Variants in SALL4 observed in about 807,000 individuals in gnomAD.
SALL4 encodes spalt like transcription factor 4.
In SALL4, 4 loss-of-function variants were observed where a neutral mutation model predicts 60.8. That is an observed-to-expected ratio of 0.07 (90% CI 0.03 to 0.15). The LOEUF is 0.15. Among genes scored for constraint, SALL4 ranks in the 10% least tolerant of loss-of-function variants. The pLI is 1.00. For synonymous variants in SALL4, 580 were observed against 574.9 expected (o/e 1.01, Z -0.13); for missense variants, 1,178 against 1,394.7 (o/e 0.84, Z 2.48).
rs201303046 is a variant in SALL4, at chr20:51,791,947, G to C, written c.536C>G (p.Thr179Ser). Residue 179 changes from threonine (T) to serine (S), a missense_variant, in exon 2 of 4, where the codon ACT becomes AGT. By Grantham distance (58) the Thr-to-Ser change is moderately conservative. This residue lies in a region of SALL4 where 853 missense variants were observed against 1,036.8 expected (regional missense o/e 0.82). Transcript: ENST00000217086. This position sits in a 1 kb window ranked among gnomAD's most constrained non-coding sequence, Gnocchi z 4.6. Reference protein sequence around the residue: ...SYLAKGKVANTNVTLQALRGT... With the variant: ...SYLAKGKVANSNVTLQALRGT... ...CCGTAGTGCCTGCAAGGTCACATTA[G>C]TGTTGGCCACTTTGCCTTTGGCTAA... is the stretch of plus-strand genomic sequence containing the variant. The C allele has an allele frequency of 2.4e-5, 38 of 1,614,250 alleles. No homozygotes were observed. The highest frequency in any genetic ancestry group is 6.7e-5 in the East Asian group (3 of 44,878).
rs201321572 is a variant in SALL4 at position 51,790,954 on chromosome 20, C to T, written c.1529G>A (p.Gly510Glu). Reference sequence around the variant, plus strand: ...TCCACCCTCACTTTCTGGAGAAGGCCCAGGCTGCAGGTCACCGGGCAAGGA... The same window carrying T: ...TCCACCCTCACTTTCTGGAGAAGGCTCAGGCTGCAGGTCACCGGGCAAGGA... The part of the protein sequence containing the change: ...GGSLPGDLQP[G>E]PSPESEGGPT... Residue 510 changes from glycine to glutamate, a missense_variant, in exon 2 of 4, where the codon GGG (glycine) becomes GAG (glutamate). By Grantham distance (98) the Gly-to-Glu change is moderately conservative (BLOSUM62 -2). This residue lies in a region of SALL4 where 853 missense variants were observed against 1,036.8 expected (regional missense o/e 0.82). Transcript: ENST00000217086. The surrounding 1 kb of genome is among the most constrained non-coding windows in gnomAD (Gnocchi z 5.5). The T allele has an allele frequency of 6.2e-7, 1 of 1,614,098 alleles. No individual in the cohort carries two copies. The highest frequency in any genetic ancestry group is 8.5e-7 in the Non-Finnish European group (1 of 1,180,020).
In SALL4 at chr20:51,791,379, C is replaced by G; in HGVS notation, c.1104G>C (p.Ala368=). Residue 368 remains alanine (A), a synonymous_variant, in exon 2 of 4, where the codon GCG becomes GCC. Transcript: ENST00000217086. The surrounding 1 kb of genome is among the most constrained non-coding windows in gnomAD (Gnocchi z 4.6). ...KGKGKPPNIS[A]VDVKPKDEAA... is the part of the protein sequence containing the mutation. Reference sequence around the variant, plus strand: ...CCTCGTCTTTGGGTTTGACATCCACCGCGGAGATGTTCGGTGGCTTCCCCT... The same window carrying G: ...CCTCGTCTTTGGGTTTGACATCCACGGCGGAGATGTTCGGTGGCTTCCCCT... 1 of 1,614,190 alleles carries G rather than the reference C, an allele frequency of 6.2e-7. No individual in the cohort carries two copies. The highest frequency in any genetic ancestry group is 8.5e-7 in the Non-Finnish European group (1 of 1,180,042).
At position 51,784,053 on chromosome 20, in the gene SALL4, A is replaced by AT. The variant is rs59841639; in HGVS notation, c.*211dup. The stretch of plus-strand genomic sequence containing the variant: ...AGAGTCTGTATTTGTTTTGGTATGC[A>AT]TTTTTTTTTTATTTTTTCAACTTTT... On this transcript the variant is annotated 3_prime_UTR_variant, in exon 4 of 4. Transcript: ENST00000217086. 0.06 allele frequency: 32,302 copies of AT among 538,912 alleles called. 422 individuals are homozygous for AT. Among genetic ancestry groups the AT allele is most frequent in the Non-Finnish European group, 0.068 (20,847 of 306,428 alleles). 33.4% of individuals were successfully genotyped at this position (538,912 alleles called of 1,614,324 possible).
chr20:51,792,864 T>G, intron 1 of SALL4: 1 of 1,025,880 alleles, frequency 9.7e-7, no homozygotes, highest in Non-Finnish European at 1.2e-6. Context: ...TCGAAGCTAC[T>G]TCATTGTTCT....
Position 51,784,229 on chromosome 20 carries a change from C to G in SALL4, c.*36G>C. 2 of 1,609,138 alleles carry G rather than the reference C, an allele frequency of 1.2e-6. No individual in the cohort carries two copies. Among genetic ancestry groups the G allele is most frequent in the South Asian group, 1.1e-5 (1 of 90,946 alleles). ...AACAAAGCAGATTCTAGAGATTTCACTGTGTCTGCATTGCTCCTTCCACGC... is the reference window on the plus strand; with the variant it reads ...AACAAAGCAGATTCTAGAGATTTCAGTGTGTCTGCATTGCTCCTTCCACGC... On this transcript the variant is annotated 3_prime_UTR_variant, in exon 4 of 4. Transcript: ENST00000217086.
rs149008635 is a variant in SALL4, at chr20:51,790,533, G to A, written c.1950C>T (p.Gly650=). ...GCAGGGGCGTGTTGGGAATCTGACC[G>A]CCCATGTGCATCCGAATATGTTGCT... ...MLQQHIRMHM[G]GQIPNTPLPE... The change falls in exon 2 of 4, where the codon GGC becomes GGT. Residue 650 remains glycine, a synonymous_variant. Coordinates refer to ENST00000217086, the MANE Select transcript of SALL4 (RefSeq NM_020436.5). This position sits in a 1 kb window ranked among gnomAD's most constrained non-coding sequence, Gnocchi z 5.5. 1.6e-3 allele frequency: 2,568 copies of A among 1,614,116 alleles called. 5 individuals are homozygous for A. The highest frequency in any genetic ancestry group is 2.0e-3 in the Non-Finnish European group (2,398 of 1,180,048).
rs1040112833 is a variant in SALL4, at chr20:51,782,911, A to C, written c.*1354T>G. ...AAAATAGACACTATGGCTACAAAAA[A>C]TAAAAAATAAATGAGGTAGATAAAT... On this transcript the variant is annotated 3_prime_UTR_variant, in exon 4 of 4. Coordinates refer to ENST00000217086, the MANE Select transcript of SALL4 (RefSeq NM_020436.5). The C allele has an allele frequency of 1.3e-5, 2 of 152,218 alleles. No individual in the cohort carries two copies. The highest frequency in any genetic ancestry group is 4.8e-5 in the African/African-American group (2 of 41,456). 9.4% of individuals were successfully genotyped at this position (152,218 alleles called of 1,614,324 possible).
Position 51,792,323 on chromosome 20 carries a change from C to T in SALL4, c.160G>A (p.Glu54Lys), listed in dbSNP as rs757354140. The T allele has an allele frequency of 2.6e-5, 42 of 1,605,792 alleles. No homozygotes were observed. Among genetic ancestry groups the T allele is most frequent in the Non-Finnish European group, 3.3e-5 (39 of 1,179,984 alleles). The change falls in exon 2 of 4, where the codon GAG becomes AAG. Residue 54 changes from glutamate (E) to lysine (K), a missense_variant. Physicochemically the swap from Glu to Lys is moderately conservative, Grantham distance 56. Around this residue, in one of 5 missense-constraint regions of SALL4, gnomAD observed 108 missense variants for 95.7 expected, o/e 1.13. Transcript: ENST00000217086. The part of the protein sequence containing the change: ...GAPVNHPGND[E>K]VASEDEATVK... ...GTGGCTTCATCCTCACTCGCCACCT[C>T]GTCATTCCCTGGGTGGTTCACTGGA...
rs558151017 is a variant in SALL4, at chr20:51,790,318, A to T, written c.2165T>A (p.Leu722Gln). The T allele has an allele frequency of 6.2e-7, 1 of 1,614,116 alleles. No individual in the cohort carries two copies. Among genetic ancestry groups the T allele is most frequent in the South Asian group, 1.1e-5 (1 of 91,084 alleles). Residue 722 changes from leucine to glutamine, a missense_variant, in exon 2 of 4, where the codon CTA (leucine) becomes CAA (glutamine). Physicochemically the swap from Leu to Gln is moderately radical, Grantham distance 113. Transcript: ENST00000217086. This position sits in a 1 kb window ranked among gnomAD's most constrained non-coding sequence, Gnocchi z 5.5. ...TAAGGAAGCCATCATGGCAAACCCTAGCGTGGGTGATGCCGAGTGGATGCT... is the reference window on the plus strand; with the variant it reads ...TAAGGAAGCCATCATGGCAAACCCTTGCGTGGGTGATGCCGAGTGGATGCT... ...LPSIHSASPT[L>Q]GFAMMASLDA...
intron 1 of SALL4, among the ~76,000 whole-genome samples, chr20:51,800,853 C>A (rs1283825815): frequency 6.6e-6 from 1 of 152,108 alleles, no homozygotes; most frequent in East Asian, 1.9e-4. Context: ...TCAAGCCGAT[C>A]CTTTTAATTT....
chr20:51,788,072 C>T lies in SALL4; in HGVS notation c.2742+789G>A, dbSNP rs1221169462. On this transcript the variant is annotated intron_variant, in intron 3 of 3. Transcript: ENST00000217086. This position sits in a 1 kb window ranked among gnomAD's most constrained non-coding sequence, Gnocchi z 4.1. ...CTCCTGGGCTCAAGCAATCCACCTG[C>T]CTTGGCCTCTCAAAGTACTCAGATT... 6.6e-6 allele frequency among the ~76,000 whole-genome samples: 1 copy of T among 151,410 alleles called. No individual in the cohort carries two copies. Among genetic ancestry groups the T allele is most frequent in the African/African-American group, 2.4e-5 (1 of 41,178 alleles).
Position 51,788,823 on chromosome 20 carries a change from C to T in SALL4, c.2742+38G>A. The T allele has an allele frequency of 6.2e-7, 1 of 1,610,962 alleles. No homozygotes were observed. Among genetic ancestry groups the T allele is most frequent in the Non-Finnish European group, 8.5e-7 (1 of 1,179,886 alleles). ...TGTGCCAATAAGAAGACACCTGGTGCCTAGCCCCCATCCTGCTGAAAGCCC... is the reference window on the plus strand; with the variant it reads ...TGTGCCAATAAGAAGACACCTGGTGTCTAGCCCCCATCCTGCTGAAAGCCC... On this transcript the variant is annotated intron_variant, in intron 3 of 3. Transcript: ENST00000217086. This position sits in a 1 kb window ranked among gnomAD's most constrained non-coding sequence, Gnocchi z 4.1.
chr20:51,790,080 C>T lies in SALL4; in HGVS notation c.2403G>A (p.Lys801=). The change falls in exon 2 of 4, where the codon AAG becomes AAA. Residue 801 remains lysine, a synonymous_variant. Coordinates refer to ENST00000217086, the MANE Select transcript of SALL4 (RefSeq NM_020436.5). This position sits in a 1 kb window ranked among gnomAD's most constrained non-coding sequence, Gnocchi z 5.5. ...ANSQAESIKS[K]SPDAGSKAES... Reference sequence around the variant, plus strand: ...CTGCTTTGCTCCCAGCATCGGGAGACTTTGACTTGATGCTTTCGGCTTGAC... The same window carrying T: ...CTGCTTTGCTCCCAGCATCGGGAGATTTTGACTTGATGCTTTCGGCTTGAC... 3 of 1,614,174 alleles carry T rather than the reference C, an allele frequency of 1.9e-6. No individual in the cohort carries two copies. Among genetic ancestry groups the T allele is most frequent in the Middle Eastern group, 1.6e-4 (1 of 6,062 alleles).
At position 51,790,314 on chromosome 20, in the gene SALL4, C is replaced by T. The variant is rs1430318613; in HGVS notation, c.2169G>A (p.Gly723=). Residue 723 remains glycine, a synonymous_variant, in exon 2 of 4, where the codon GGG becomes GGA. Transcript: ENST00000217086. This position sits in a 1 kb window ranked among gnomAD's most constrained non-coding sequence, Gnocchi z 5.5. The part of the protein sequence containing the change: ...PSIHSASPTL[G]FAMMASLDAP... ...CATCTAAGGAAGCCATCATGGCAAA[C>T]CCTAGCGTGGGTGATGCCGAGTGGA... The T allele has an allele frequency of 6.2e-7, 1 of 1,614,160 alleles. No individual in the cohort carries two copies. The highest frequency in any genetic ancestry group is 1.7e-5 in the Admixed American group (1 of 60,020).
At chr20:51,789,867 T>C (rs1052069377) in intron 2 of SALL4, among the ~76,000 whole-genome samples, 155 bp downstream of exon 2, 3 of 152,198 alleles carry the variant, frequency 2.0e-5, no homozygotes, top group Non-Finnish European at 2.9e-5. Flanking sequence ...TAGAGGCAGT[T>C]ACTATTGCCC....
chr20:51,789,088 C>T lies in SALL4; in HGVS notation c.2515G>A (p.Val839Ile). The part of the protein sequence containing the change: ...FIRAPPTYVK[V>I]EVPGTFVGPS... ...CCCACAAATGTGCCAGGAACTTCAA[C>T]CTTGACATAGGTCGGCGGGGCTCGG... Residue 839 changes from valine to isoleucine, a missense_variant, in exon 3 of 4, where the codon GTT (valine) becomes ATT (isoleucine). By Grantham distance (29) the Val-to-Ile change is conservative. Around this residue, in one of 5 missense-constraint regions of SALL4, gnomAD observed 853 missense variants for 1,036.8 expected, o/e 0.82. Transcript: ENST00000217086. 1.2e-6 allele frequency: 2 copies of T among 1,614,200 alleles called. No individual in the cohort carries two copies. The highest frequency in any genetic ancestry group is 1.7e-6 in the Non-Finnish European group (2 of 1,180,044).
intron 2 of SALL4, 150 bp downstream of exon 2, chr20:51,789,872 T>C (rs1342002650): frequency 1.7e-5 from 15 of 885,832 alleles, no homozygotes; most frequent in South Asian, 6.0e-5. Flanking sequence ...GCAGTTACTA[T>C]TGCCCTCTAC....
rs762044225 is a variant in SALL4, at chr20:51,802,304, T to C, written c.105A>G (p.Pro35=). The C allele has an allele frequency of 1.5e-4, 239 of 1,608,528 alleles. No individual in the cohort carries two copies. Among genetic ancestry groups the C allele is most frequent in the Non-Finnish European group, 2.0e-4 (234 of 1,178,628 alleles). Residue 35 remains proline, a synonymous_variant, in exon 1 of 4, where the codon CCA becomes CCG. Coordinates refer to ENST00000217086, the MANE Select transcript of SALL4 (RefSeq NM_020436.5). The stretch of plus-strand genomic sequence containing the variant: ...CCAGCTCCCCCGCCGCGGGCGCCGC[T>C]GGGGCCGCATCTGCAAACTCCGGGG... ...QQTPEFADAA[P]AAPAAGELGA...
chr20:51,783,114 G>A lies in SALL4; in HGVS notation c.*1151C>T, dbSNP rs1397581900. ...TGATGGGAAACACGCCCTTCCACGA[G>A]TTTCTTCTCGAGCATGAAAACCCAG... On this transcript the variant is annotated 3_prime_UTR_variant, in exon 4 of 4. Coordinates refer to ENST00000217086, the MANE Select transcript of SALL4 (RefSeq NM_020436.5). 6.6e-6 allele frequency: 1 copy of A among 152,132 alleles called. No individual in the cohort carries two copies. Among genetic ancestry groups the A allele is most frequent in the Non-Finnish European group, 1.5e-5 (1 of 68,028 alleles). 9.4% of individuals were successfully genotyped at this position (152,132 alleles called of 1,614,324 possible). A position where few individuals can be genotyped will look rare whatever the true frequency, so the allele number is the denominator to read the frequency against.
Sources: allele counts gnomAD v4.1 joint callset (sites outside exome capture counted in the v4.1 genomes callset), GRCh38; gene constraint gnomAD v4.1.1; regional missense constraint gnomAD v4.1.1; non-coding constraint Gnocchi (gnomAD v3.1); transcripts MANE v1.5; gene names NCBI Gene and HGNC (gene_info 2026-07-23, HGNC 2026-07-21).